ADGRB1: variants seen among roughly 807,000 people sequenced by gnomAD.
The protein encoded by ADGRB1 is brain-specific angiogenesis inhibitor 1.
A neutral mutation model predicts 175.7 loss-of-function variants in ADGRB1; 36 were observed. That is an observed-to-expected ratio of 0.20 (90% CI 0.16 to 0.27). The LOEUF (loss-of-function observed/expected upper bound fraction) is 0.27, where lower values mean the gene tolerates loss of function less well. Ranked by LOEUF, ADGRB1 falls within the 10% of genes least tolerant of loss-of-function variation. The pLI is 1.00. For missense variants in ADGRB1, 1,731 were observed against 2,255.3 expected, an observed-to-expected ratio of 0.77 and a Z score of 4.71; for synonymous variants, 1,054 against 979.4, an observed-to-expected ratio of 1.08 and a Z score of -1.42.
intron 1 of ADGRB1, among the ~76,000 whole-genome samples, chr8:142,456,419 C>T (rs900095545): frequency 6.6e-6 from 1 of 152,158 alleles, no homozygotes; most frequent in Non-Finnish European, 1.5e-5. Flanking sequence ...TGCACACACC[C>T]TGCACGTGCA....
intron 23 of ADGRB1, among the ~76,000 whole-genome samples, chr8:142,525,808 C>T (rs969988716): frequency 3.3e-5 from 5 of 152,148 alleles, no homozygotes; most frequent in African/African-American, 1.2e-4. Context: ...GGGGTCCTAG[C>T]AGCATCTTTC....
intron 27 of ADGRB1, chr8:142,539,968 G>A (rs1295861706): frequency 6.5e-6 from 1 of 153,666 alleles, no homozygotes; most frequent in Non-Finnish European, 1.4e-5. Context: ...TGAGCTTCCT[G>A]GAACCAAGTG....
intron 24 of ADGRB1, among the ~76,000 whole-genome samples, chr8:142,527,357 G>A (rs1279306550): frequency 2.0e-5 from 3 of 152,106 alleles, no homozygotes; most frequent in African/African-American, 4.8e-5. Context: ...CCTCCCCTCC[G>A]TGCCAGTCTT....
chr8:142,485,628 C>T (rs975010795), intron 13 of ADGRB1, among the ~76,000 whole-genome samples: 2 of 152,226 alleles, frequency 1.3e-5, no homozygotes, highest in African/African-American at 4.8e-5. Context: ...TGAGCTTTGT[C>T]AGCACACACA....
chr8:142,451,450 GTTC>G (rs140647560), intron 1 of ADGRB1, among the ~76,000 whole-genome samples: 5,794 of 152,230 alleles, frequency 0.038, 196 homozygotes, highest in East Asian at 0.16. Flanking sequence ...CGACCTCCCC[GTTC>G]TTCCTCCGGG....
chr8:142,529,176 A>G (rs1587421792), intron 24 of ADGRB1, among the ~76,000 whole-genome samples: 1 of 126,214 alleles, frequency 7.9e-6, no homozygotes, highest in Non-Finnish European at 1.7e-5. Context: ...ATGAGCACAC[A>G]TGTGAGAGCA....
At position 142,542,785 on chromosome 8, in the gene ADGRB1, G is replaced by A; in HGVS notation, c.4413+138G>A. 1 of 776,496 alleles carries A rather than the reference G, an allele frequency of 1.3e-6. No homozygotes were observed. The highest frequency in any genetic ancestry group is 2.0e-6 in the Non-Finnish European group (1 of 512,494). The allele number at this position is 776,496 out of a possible 1,614,324, so 48.1% of individuals were successfully genotyped here. ...CCTCCTAGCTACACCCCCCACCCCTGGCCCTGCTGGGTGTGCTGTGTATGT... is the reference window on the plus strand; with the variant it reads ...CCTCCTAGCTACACCCCCCACCCCTAGCCCTGCTGGGTGTGCTGTGTATGT... On this transcript the variant is annotated intron_variant, in intron 28 of 30. Coordinates refer to ENST00000517894, the MANE Select transcript of ADGRB1 (RefSeq NM_001702.3). This position sits in a 1 kb window ranked among gnomAD's most constrained non-coding sequence, Gnocchi z 6.3.
chr8:142,528,551 G>A (rs775693840), intron 24 of ADGRB1, among the ~76,000 whole-genome samples: 1 of 151,986 alleles, frequency 6.6e-6, no homozygotes, highest in Non-Finnish European at 1.5e-5. Context: ...GCAGTCAGCC[G>A]TCCCCGCACC....
intron 25 of ADGRB1, among the ~76,000 whole-genome samples, chr8:142,535,158 A>G (rs1844851636): frequency 6.6e-6 from 1 of 152,190 alleles, no homozygotes; most frequent in Admixed American, 6.5e-5. Flanking sequence ...AATTGGAGAG[A>G]TTTCTCAAAC....
chr8:142,478,412 C>T (rs1262094312), intron 7 of ADGRB1, 52 bp downstream of exon 7: 3 of 1,520,450 alleles, frequency 2.0e-6, no homozygotes, highest in South Asian at 1.3e-5. Flanking sequence ...GCAGGAGCCT[C>T]TAGGAAGGGG....
intron 7 of ADGRB1, 104 bp downstream of exon 7, chr8:142,478,464 T>C: frequency 3.8e-6 from 5 of 1,312,798 alleles, no homozygotes; most frequent in Non-Finnish European, 5.1e-6. Context: ...GGCCCCGGCA[T>C]GTGACTGAGG....
Position 142,543,514 on chromosome 8 carries a change from C to T in ADGRB1, c.4449+76C>T. The T allele has an allele frequency of 6.2e-7, 1 of 1,606,354 alleles. No homozygotes were observed. Among genetic ancestry groups the T allele is most frequent in the African/African-American group, 1.3e-5 (1 of 74,816 alleles). ...GGGCTCCCACACGGCCAGGCAGCTC[C>T]CCGGCAGCCAGGGGACGGGCGGGGC... On this transcript the variant is annotated intron_variant, in intron 29 of 30. Transcript: ENST00000517894. The surrounding 1 kb of genome is among the most constrained non-coding windows in gnomAD (Gnocchi z 4.4).
In ADGRB1 at chr8:142,464,915, G is replaced by T; in HGVS notation, c.717G>T (p.Ala239=). The change falls in exon 2 of 31, where the codon GCG becomes GCT. Residue 239 remains alanine, a synonymous_variant. Coordinates refer to ENST00000517894, the MANE Select transcript of ADGRB1 (RefSeq NM_001702.3). The part of the protein sequence containing the change: ...APRGDVCLRD[A]VAGGPENCLT... The stretch of plus-strand genomic sequence containing the variant: ...GCGGGGATGTCTGCTTGAGAGATGC[G>T]GTGGCTGGTGGCCCTGAAAACTGCC... 1 of 1,529,468 alleles carries T rather than the reference G, an allele frequency of 6.5e-7. No individual in the cohort carries two copies. 94.7% of individuals were successfully genotyped at this position (1,529,468 alleles called of 1,614,324 possible).
chr8:142,524,414 A>G, intron 23 of ADGRB1, 110 bp downstream of exon 23: 2 of 1,230,438 alleles, frequency 1.6e-6, no homozygotes, highest in Non-Finnish European at 2.2e-6. Context: ...CTGTCCCTTC[A>G]GGATGGCCCT....
chr8:142,514,882 T>A (rs1402020028), intron 18 of ADGRB1, among the ~76,000 whole-genome samples: 1 of 152,076 alleles, frequency 6.6e-6, no homozygotes, highest in Non-Finnish European at 1.5e-5. Context: ...CAGGGCTTAG[T>A]CTATGACTAG....
chr8:142,533,265 G>A, intron 24 of ADGRB1, 30 bp from the exon 25 acceptor site: 1 of 1,474,594 alleles, frequency 6.8e-7, no homozygotes. Flanking sequence ...CAGGGGCGGG[G>A]GCGGCAGCGC....
intron 25 of ADGRB1, among the ~76,000 whole-genome samples, chr8:142,534,801 G>T (rs543204513): frequency 3.3e-5 from 5 of 152,220 alleles, no homozygotes; most frequent in Non-Finnish European, 5.9e-5. Flanking sequence ...GGGAGAAGCC[G>T]CTCACCCTGG....
intron 9 of ADGRB1, 100 bp from the exon 10 acceptor site, chr8:142,481,154 G>A (rs1212873000): frequency 1.6e-5 from 18 of 1,093,956 alleles, no homozygotes; most frequent in South Asian, 1.5e-4. Flanking sequence ...GTTTCTGGGG[G>A]CCACAGGGTC....
At chr8:142,465,961 C>T (rs568577176) in intron 2 of ADGRB1, among the ~76,000 whole-genome samples, 1 of 152,310 alleles carries the variant, frequency 6.6e-6, no homozygotes, top group Non-Finnish European at 1.5e-5. Context: ...GCAGGAGCAG[C>T]GTCCTCGGGG....
Sources: gnomAD v4.1 joint callset for allele counts (sites outside exome capture counted in the v4.1 genomes callset) on GRCh38, gnomAD v4.1.1 for gene constraint, Gnocchi (gnomAD v3.1) non-coding constraint, MANE v1.5 for transcripts, NCBI Gene and HGNC (gene_info 2026-07-23, HGNC 2026-07-21) for gene names.